Variants in PTPRJ observed in about 807,000 individuals in gnomAD.
PTPRJ encodes the protein protein tyrosine phosphatase receptor type J.
In PTPRJ, 129 loss-of-function variants were observed where a neutral mutation model predicts 141.3. That is an observed-to-expected ratio of 0.91 (90% CI 0.79 to 1.06). The LOEUF is 1.06. PTPRJ is among the 50% of genes least tolerant of loss of function. The pLI is 0.00. For missense variants in PTPRJ, 1,601 were observed against 1,679.7 expected (o/e 0.95, Z 0.82); for synonymous variants, 610 against 640.5 (o/e 0.95, Z 0.72).
rs376443626 is a variant in PTPRJ, at chr11:48,153,877, G to T, written c.3220G>T (p.Val1074Phe). 1 of 1,608,980 alleles carries T rather than the reference G, an allele frequency of 6.2e-7. No individual in the cohort carries two copies. The highest frequency in any genetic ancestry group is 8.5e-7 in the Non-Finnish European group (1 of 1,175,418). Residue 1074 changes from valine (V) to phenylalanine (F), a missense_variant, in exon 19 of 25, where the codon GTT becomes TTT. Physicochemically the swap from Val to Phe is conservative, Grantham distance 50 (BLOSUM62 -1). Coordinates refer to ENST00000418331, the MANE Select transcript of PTPRJ (RefSeq NM_002843.4). Reference sequence around the variant, plus strand: ...TAGAGGAAAGAATCGCTATAATAATGTTCTGCCCTGTAAGTTATTTTATCT... The same window carrying T: ...TAGAGGAAAGAATCGCTATAATAATTTTCTGCCCTGTAAGTTATTTTATCT... ...ENRGKNRYNN[V>F]LPYDISRVKL...
chr11:48,099,493 G>C (rs372272749), intron 1 of PTPRJ, among the ~76,000 whole-genome samples: 2 of 152,172 alleles, frequency 1.3e-5, no homozygotes, highest in Admixed American at 1.3e-4. Flanking sequence ...AATGTTTACT[G>C]TCTGGCCTAT....
chr11:48,104,316 T>C (rs1299237120), intron 1 of PTPRJ, among the ~76,000 whole-genome samples: 1 of 152,186 alleles, frequency 6.6e-6, no homozygotes, highest in African/African-American at 2.4e-5. Context: ...GCCAGTTTTA[T>C]AGGGAGTTGT....
rs182979377 is a variant in PTPRJ at position 48,114,899 on chromosome 11, A to G, written c.352+1916A>G. On this transcript the variant is annotated intron_variant, in intron 3 of 24. Transcript: ENST00000418331. ...AACAGAAATTCTGAAGCTAAAAAAT[A>G]CTTTGAACAAAATGAAAAATGTAAT... Among the ~76,000 whole-genome samples the G allele has an allele frequency of 1.4e-3, 217 of 152,372 alleles. 1 individual carries two copies. The highest frequency in any genetic ancestry group is 1.7e-3 in the Non-Finnish European group (117 of 68,032).
intron 3 of PTPRJ, among the ~76,000 whole-genome samples, chr11:48,118,222 A>G (rs1255108409): frequency 2.6e-5 from 4 of 152,288 alleles, no homozygotes; most frequent in Middle Eastern, 3.4e-3. Flanking sequence ...AGCTGTGGCT[A>G]TTGGTGTGCA....
intron 1 of PTPRJ, among the ~76,000 whole-genome samples, chr11:47,982,733 T>C (rs1453690360): frequency 3.3e-5 from 5 of 151,932 alleles, no homozygotes; most frequent in Non-Finnish European, 5.9e-5. Flanking sequence ...TAGTGGTTGC[T>C]AGCTGTGTTC....
intron 1 of PTPRJ, among the ~76,000 whole-genome samples, chr11:47,997,337 C>T (rs1398366735): frequency 6.6e-6 from 1 of 152,242 alleles, no homozygotes; most frequent in African/African-American, 2.4e-5. Flanking sequence ...GACTGGCTGT[C>T]CTCTCATTCT....
intron 1 of PTPRJ, among the ~76,000 whole-genome samples, chr11:48,070,371 G>T (rs755590562): frequency 6.6e-6 from 1 of 152,012 alleles, no homozygotes; most frequent in Non-Finnish European, 1.5e-5. Flanking sequence ...GTGTGGTGGT[G>T]GGCGCCTGTA....
chr11:47,982,603 A>C (rs895716176), intron 1 of PTPRJ, among the ~76,000 whole-genome samples: 3 of 150,914 alleles, frequency 2.0e-5, no homozygotes, highest in African/African-American at 4.9e-5. Context: ...AAAACAGAAA[A>C]CCCCCAAACT....
chr11:48,110,547 GA>G, intron 2 of PTPRJ, among the ~76,000 whole-genome samples: 1 of 152,206 alleles, frequency 6.6e-6, no homozygotes, highest in East Asian at 1.9e-4. Flanking sequence ...ACAAATGAAA[GA>G]AAAAATTTTA....
chr11:48,152,185 C>T (rs1366075906), intron 18 of PTPRJ, among the ~76,000 whole-genome samples: 1 of 151,978 alleles, frequency 6.6e-6, no homozygotes, highest in Non-Finnish European at 1.5e-5. Context: ...ATTTGCATTT[C>T]TCTGATGGCC....
At chr11:48,014,928 G>C (rs1236595328) in intron 1 of PTPRJ, among the ~76,000 whole-genome samples, 1 of 152,060 alleles carries the variant, frequency 6.6e-6, no homozygotes, top group African/African-American at 2.4e-5. Context: ...CTGGTCTCGA[G>C]CTCCTGACCT....
intron 1 of PTPRJ, among the ~76,000 whole-genome samples, chr11:47,984,559 T>G (rs971331896): frequency 1.2e-4 from 18 of 151,380 alleles, no homozygotes; most frequent in African/African-American, 4.4e-4. Context: ...TCTTGTTTAT[T>G]TGTTTGTTTT....
chr11:48,163,768 GC>G, intron 23 of PTPRJ, 150 bp downstream of exon 23: 1 of 982,818 alleles, frequency 1.0e-6, no homozygotes, highest in South Asian at 1.7e-5. Context: ...TACTCCCTAA[GC>G]CCTGAGCTTC....
chr11:48,154,492 A>G (rs1004775907), intron 19 of PTPRJ, among the ~76,000 whole-genome samples: 15 of 152,218 alleles, frequency 9.9e-5, no homozygotes, highest in Non-Finnish European at 1.8e-4. Flanking sequence ...AAACCATTAG[A>G]TGAAATGTAA....
At chr11:48,057,294 G>T (rs72899741) in intron 1 of PTPRJ, among the ~76,000 whole-genome samples, 4,020 of 151,596 alleles carry the variant, frequency 0.027, 79 homozygotes, top group Non-Finnish European at 0.036. Flanking sequence ...CTGGGTAAAC[G>T]TTAGTTGTTC....
chr11:48,157,989 T>C (rs532488942), intron 21 of PTPRJ, among the ~76,000 whole-genome samples: 4 of 152,182 alleles, frequency 2.6e-5, no homozygotes, highest in African/African-American at 9.6e-5. Context: ...CCATCTCTAC[T>C]AAAAACACAA....
intron 1 of PTPRJ, among the ~76,000 whole-genome samples, chr11:48,091,559 C>T (rs1378938883): frequency 6.6e-6 from 1 of 152,166 alleles, no homozygotes; most frequent in East Asian, 1.9e-4. Context: ...TTACTGTCTG[C>T]TTAAAGGCAG....
At chr11:48,144,551 G>A in intron 12 of PTPRJ, 124 bp from the exon 13 acceptor site, 1 of 756,840 alleles carries the variant, frequency 1.3e-6, no homozygotes, top group Non-Finnish European at 2.2e-6. Context: ...ACCTGGCACA[G>A]AGAGATACTT....
At chr11:48,157,609 C>T (rs1027533539) in intron 21 of PTPRJ, among the ~76,000 whole-genome samples, 6 of 152,314 alleles carry the variant, frequency 3.9e-5, no homozygotes, top group Admixed American at 3.9e-4. Flanking sequence ...GTACTGTCCC[C>T]AGGATAGTGG....
Sources: gnomAD v4.1 joint callset for allele counts (sites outside exome capture counted in the v4.1 genomes callset) on GRCh38, gnomAD v4.1.1 for gene constraint, MANE v1.5 for transcripts, NCBI Gene and HGNC (gene_info 2026-07-23, HGNC 2026-07-21) for gene names.